The following MPPED2 variants were observed in gnomAD, a reference collection of about 807,000 sequenced individuals.
MPPED2 encodes the protein metallophosphoesterase MPPED2.
Under a neutral mutation model 33.0 loss-of-function variants are expected in MPPED2, and 5 were observed. That is an observed-to-expected ratio of 0.15 (90% CI 0.08 to 0.32). MPPED2 has a LOEUF of 0.32. Ranked by LOEUF, MPPED2 falls within the 10% of genes least tolerant of loss-of-function variation. MPPED2 has a pLI of 1.00. For synonymous variants in MPPED2, 136 were observed against 141.9 expected, an observed-to-expected ratio of 0.96 and a Z score of 0.29; for missense variants, 275 against 372.1, an observed-to-expected ratio of 0.74 and a Z score of 2.15.
At chr11:30,540,628 T>A (rs1356493582) in intron 2 of MPPED2, among the ~76,000 whole-genome samples, 8 of 152,074 alleles carry the variant, frequency 5.3e-5, no homozygotes, top group Non-Finnish European at 1.0e-4. Context: ...GATAATAACA[T>A]CTACCACTCA....
chr11:30,464,107 T>A (rs918517382), intron 4 of MPPED2, among the ~76,000 whole-genome samples: 8 of 152,172 alleles, frequency 5.3e-5, no homozygotes, highest in African/African-American at 1.9e-4. Context: ...GTAAATATTA[T>A]CCTAACAAGT....
At chr11:30,504,162 G>A (rs1185512994) in intron 3 of MPPED2, among the ~76,000 whole-genome samples, 2 of 152,070 alleles carry the variant, frequency 1.3e-5, no homozygotes, top group Admixed American at 6.5e-5. Context: ...CACAGAAGGA[G>A]GAAATTTTTC....
At chr11:30,384,926 C>T (rs1307861580) in exon 7 of MPPED2, 1 of 152,186 alleles carries the variant, frequency 6.6e-6, no homozygotes, top group Non-Finnish European at 1.5e-5. Flanking sequence ...TTCCACCAGA[C>T]CACAAACTGA....
chr11:30,528,112 A>G (rs1431267987), intron 3 of MPPED2, among the ~76,000 whole-genome samples: 1 of 149,988 alleles, frequency 6.7e-6, no homozygotes, highest in Non-Finnish European at 1.5e-5. Context: ...TTGTAACCTA[A>G]TACCACACTG....
At chr11:30,524,581 G>A (rs1042550216) in intron 3 of MPPED2, among the ~76,000 whole-genome samples, 1 of 152,192 alleles carries the variant, frequency 6.6e-6, no homozygotes, top group Non-Finnish European at 1.5e-5. Context: ...GTTAATGCAG[G>A]TAGAGGGTCA....
At chr11:30,511,251 G>A (rs1953170248) in intron 3 of MPPED2, among the ~76,000 whole-genome samples, 1 of 152,160 alleles carries the variant, frequency 6.6e-6, no homozygotes, top group Non-Finnish European at 1.5e-5. Context: ...TGGGGTCCTA[G>A]GATGTGACTG....
chr11:30,570,314 T>C (rs1172853786), intron 2 of MPPED2, among the ~76,000 whole-genome samples: 3 of 151,978 alleles, frequency 2.0e-5, no homozygotes, highest in Non-Finnish European at 2.9e-5. Context: ...TCCATCCTCA[T>C]GAGAAAATCA....
chr11:30,391,300 C>A (rs1215517940), intron 6 of MPPED2, among the ~76,000 whole-genome samples: 3 of 152,132 alleles, frequency 2.0e-5, no homozygotes, highest in Non-Finnish European at 4.4e-5. Context: ...TTGGTGTGGT[C>A]ATTTCAGTCT....
intron 4 of MPPED2, among the ~76,000 whole-genome samples, chr11:30,488,087 C>G (rs947622533): frequency 1.3e-5 from 2 of 152,162 alleles, no homozygotes; most frequent in Non-Finnish European, 2.9e-5. Context: ...AAGTCTGTAG[C>G]TTTGGGCAAG....
chr11:30,455,692 T>C (rs146611268), intron 4 of MPPED2, among the ~76,000 whole-genome samples: 2 of 152,258 alleles, frequency 1.3e-5, no homozygotes, highest in Non-Finnish European at 1.5e-5. Flanking sequence ...TCATCAACGG[T>C]GTAAATCAAT....
chr11:30,393,523 TTACCTGAGTATGTA>T (rs1201170966), intron 6 of MPPED2, among the ~76,000 whole-genome samples: 1 of 152,184 alleles, frequency 6.6e-6, no homozygotes, highest in Non-Finnish European at 1.5e-5. Context: ...CCTATCCTGC[TTACCTGAGTATGTA>T]TACCATCTGA....
intron 4 of MPPED2, among the ~76,000 whole-genome samples, chr11:30,481,630 C>G (rs1194296972): frequency 6.6e-6 from 1 of 152,034 alleles, no homozygotes; most frequent in Admixed American, 6.6e-5. Flanking sequence ...TACAAATAAG[C>G]AAAGGTAGGC....
At chr11:30,553,313 A>T (rs1259868699) in intron 2 of MPPED2, among the ~76,000 whole-genome samples, 1 of 152,252 alleles carries the variant, frequency 6.6e-6, no homozygotes, top group Non-Finnish European at 1.5e-5. Context: ...AACTTGCAAT[A>T]GTCATAGACT....
intron 4 of MPPED2, among the ~76,000 whole-genome samples, chr11:30,477,623 C>T (rs529798621): frequency 5.3e-5 from 8 of 151,824 alleles, no homozygotes; most frequent in East Asian, 3.9e-4. Context: ...GCTAACCTTC[C>T]GGAAAGTATT....
At chr11:30,429,895 GTC>G (rs972239974) in intron 4 of MPPED2, among the ~76,000 whole-genome samples, 3 of 152,150 alleles carry the variant, frequency 2.0e-5, no homozygotes, top group Non-Finnish European at 4.4e-5. Context: ...GCTTGTGTGT[GTC>G]TTTTTTTCTC....
intron 3 of MPPED2, among the ~76,000 whole-genome samples, chr11:30,527,583 C>G (rs1346020888): frequency 6.6e-6 from 1 of 151,946 alleles, no homozygotes; most frequent in Admixed American, 6.6e-5. Context: ...GGCCCTGCTG[C>G]CCTGCTTCTG....
chr11:30,580,452 C>T lies in MPPED2; in HGVS notation c.-79G>A, dbSNP rs1258086459. The T allele has an allele frequency of 1.0e-5, 16 of 1,569,846 alleles. No individual in the cohort carries two copies. In the South Asian group the frequency reaches 1.7e-4, roughly 16 times the overall value. On this transcript the variant is annotated 5_prime_UTR_variant, in exon 2 of 7. Coordinates refer to ENST00000358117, the MANE Select transcript of MPPED2 (RefSeq NM_001584.3). ...AGCAGGCATGGTGCGTTTCAGCCAA[C>T]CTCTGAATCCAAGGATCTACTCATC...
chr11:30,392,293 G>A (rs1416283109), intron 6 of MPPED2, among the ~76,000 whole-genome samples: 3 of 152,050 alleles, frequency 2.0e-5, no homozygotes, highest in Non-Finnish European at 4.4e-5. Flanking sequence ...ATGCTTTTTT[G>A]TCCTTATTGA....
intron 3 of MPPED2, among the ~76,000 whole-genome samples, chr11:30,501,265 C>A (rs1043650449): frequency 5.3e-5 from 8 of 152,198 alleles, no homozygotes; most frequent in African/African-American, 1.9e-4. Flanking sequence ...GGCACAATGT[C>A]ACTACTCTCA....
Sources: allele counts gnomAD v4.1 joint callset (sites outside exome capture counted in the v4.1 genomes callset), GRCh38; gene constraint gnomAD v4.1.1; transcripts MANE v1.5; gene names NCBI Gene and HGNC (gene_info 2026-07-23, HGNC 2026-07-21).